Variants in NUP210 observed in about 807,000 individuals in gnomAD.
NUP210 encodes nucleoporin 210.
Under a neutral mutation model 196.0 loss-of-function variants are expected in NUP210, and 151 were observed. That is an observed-to-expected ratio of 0.77 (90% confidence interval 0.67 to 0.88). The LOEUF (loss-of-function observed/expected upper bound fraction) is 0.88, where lower values mean the gene tolerates loss of function less well. Ranked by LOEUF, NUP210 falls within the 40% of genes least tolerant of loss-of-function variation. The pLI is 0.00. For synonymous variants in NUP210, 1,070 were observed against 1,052.7 expected (o/e 1.02, Z -0.32); for missense variants, 2,314 against 2,493.7 (o/e 0.93, Z 1.53).
At chr3:13,373,612 C>T in intron 12 of NUP210, 106 bp downstream of exon 12, 1 of 1,192,378 alleles carries the variant, frequency 8.4e-7, no homozygotes, top group Non-Finnish European at 1.2e-6. Context: ...AAGTACAGGA[C>T]CCAAGGTTGG....
intron 25 of NUP210, among the ~76,000 whole-genome samples, chr3:13,338,525 TG>T (rs1697322036): frequency 6.6e-6 from 1 of 152,228 alleles, no homozygotes; most frequent in Non-Finnish European, 1.5e-5. Context: ...CTTGGGCTAA[TG>T]CCTGGCACAC....
rs760388506 is a variant in NUP210, at chr3:13,388,381, T to C, written c.606A>G (p.Gln202=). Residue 202 remains glutamine, a synonymous_variant, in exon 5 of 40, where the codon CAA becomes CAG. Coordinates refer to ENST00000254508, the MANE Select transcript of NUP210 (RefSeq NM_024923.4). ...YISEMEKAAK[Q]GDTILVSGMK... ...TCCCAGACACCAGGATGGTGTCCCC[T>C]TGCTTGGCAGCCTTCTCCATCTCTG... 90 of 1,612,660 alleles carry C rather than the reference T, an allele frequency of 5.6e-5. 1 individual carries two copies. The South Asian group carries it at 8.7e-4, about 16-fold the overall frequency.
At chr3:13,366,139 T>A in intron 13 of NUP210, 48 bp from the exon 14 acceptor site, 1 of 1,563,248 alleles carries the variant, frequency 6.4e-7, no homozygotes. Context: ...CACTTTTTTC[T>A]TTTTTTTGAG....
rs769494588 is a variant in NUP210, at chr3:13,391,237, C to T, written c.507G>A (p.Arg169=). ...GCAGCGCATTGTGGGAGTCTGAGAACCTGTCCGCCTCGGAGTCCTTCACAA... is the reference window on the plus strand; with the variant it reads ...GCAGCGCATTGTGGGAGTCTGAGAATCTGTCCGCCTCGGAGTCCTTCACAA... ...WTIVKDSEAD[R]FSDSHNALRI... The change falls in exon 4 of 40, where the codon AGG becomes AGA. Residue 169 remains arginine (R), a synonymous_variant. Transcript: ENST00000254508. 1.3e-5 allele frequency: 21 copies of T among 1,612,810 alleles called. No homozygotes were observed. Among genetic ancestry groups the T allele is most frequent in the Admixed American group, 8.3e-5 (5 of 59,930 alleles).
At chr3:13,410,637 G>C (rs1700140514) in intron 1 of NUP210, among the ~76,000 whole-genome samples, 2 of 150,776 alleles carry the variant, frequency 1.3e-5, no homozygotes, top group Non-Finnish European at 3.0e-5. Flanking sequence ...AAACAAAAAG[G>C]CCGGGCACGG....
chr3:13,381,828 C>A (rs550073304), intron 6 of NUP210, among the ~76,000 whole-genome samples: 1 of 152,172 alleles, frequency 6.6e-6, no homozygotes, highest in South Asian at 2.1e-4. Context: ...GGCTGATCCC[C>A]CCAGATTTGT....
At chr3:13,335,817 G>A (rs888861034) in intron 27 of NUP210, among the ~76,000 whole-genome samples, 9 of 152,230 alleles carry the variant, frequency 5.9e-5, no homozygotes, top group East Asian at 1.9e-4. Context: ...ATGGGTGCCC[G>A]GGTCCTGCCC....
intron 11 of NUP210, among the ~76,000 whole-genome samples, chr3:13,374,655 G>A (rs529968012): frequency 8.1e-4 from 123 of 152,284 alleles, no homozygotes; most frequent in African/African-American, 2.9e-3. Context: ...CGAACCCTTG[G>A]TCACCGAGCC....
chr3:13,356,308 C>T lies in NUP210; in HGVS notation c.2328+1914G>A, dbSNP rs1224575946. ...TTGGAGAGTATAAAATTACCTTGAT[C>T]CTGCATCCAGGCTGCATTGCAGGAA... On this transcript the variant is annotated intron_variant, in intron 16 of 39. Transcript: ENST00000254508. Among the ~76,000 whole-genome samples the T allele has an allele frequency of 2.0e-5, 3 of 152,228 alleles. No individual in the cohort carries two copies. The East Asian group carries it at 5.8e-4, about 29-fold the overall frequency.
Position 13,319,077 on chromosome 3 carries a change from G to C in NUP210, c.5558C>G (p.Pro1853Arg). Reference sequence around the variant, plus strand: ...CCTGCAGGGGGGCTACTCACAGTGGGGGCTGTGTCCAGGGCTGGCTCGAGG... The same window carrying C: ...CCTGCAGGGGGGCTACTCACAGTGGCGGCTGTGTCCAGGGCTGGCTCGAGG... ...LTPRASPGHS[P>R]HYFAASSPTS... The change falls in exon 39 of 40, where the codon CCC becomes CGC. Residue 1853 changes from proline to arginine, a missense_variant. By Grantham distance (103) the Pro-to-Arg change is moderately radical (BLOSUM62 -2). Transcript: ENST00000254508. The C allele has an allele frequency of 6.2e-7, 1 of 1,602,448 alleles. No individual in the cohort carries two copies. Among genetic ancestry groups the C allele is most frequent in the Non-Finnish European group, 8.5e-7 (1 of 1,175,864 alleles).
intron 13 of NUP210, among the ~76,000 whole-genome samples, chr3:13,369,437 C>G (rs1394545588): frequency 1.3e-5 from 2 of 152,018 alleles, no homozygotes; most frequent in East Asian, 3.8e-4. Flanking sequence ...TCCAGTTTGT[C>G]TATTTTTAAT....
At chr3:13,388,944 C>T (rs1363193175) in intron 4 of NUP210, among the ~76,000 whole-genome samples, 2 of 152,238 alleles carry the variant, frequency 1.3e-5, no homozygotes, top group African/African-American at 4.8e-5. Flanking sequence ...TAGCCCTGGG[C>T]ACCAGACGGC....
chr3:13,419,967 C>T (rs866639334), intron 1 of NUP210, 93 bp downstream of exon 1: 54 of 845,714 alleles, frequency 6.4e-5, no homozygotes, highest in Admixed American at 1.6e-4. Context: ...GCGCACCTGC[C>T]GGCTCTGCCG....
chr3:13,320,065 G>T, intron 36 of NUP210, 86 bp from the exon 37 acceptor site: 1 of 1,246,730 alleles, frequency 8.0e-7, no homozygotes, highest in Non-Finnish European at 1.1e-6. Flanking sequence ...AGGCGGGAGG[G>T]CTGCTCTGCA....
intron 21 of NUP210, among the ~76,000 whole-genome samples, chr3:13,342,859 A>AT: frequency 6.6e-6 from 1 of 152,236 alleles, no homozygotes; most frequent in East Asian, 1.9e-4. Flanking sequence ...TCAGCAGGGC[A>AT]TGTGCCTCGT....
chr3:13,379,853 T>C lies in NUP210; in HGVS notation c.818-132A>G, dbSNP rs896475944. The C allele has an allele frequency of 8.9e-6, 6 of 675,168 alleles. No homozygotes were observed. Among genetic ancestry groups the C allele is most frequent in the Non-Finnish European group, 1.4e-5 (6 of 428,590 alleles). 41.8% of individuals were successfully genotyped at this position (675,168 alleles called of 1,614,324 possible). A position where few individuals can be genotyped will look rare whatever the true frequency, so the allele number is the denominator to read the frequency against. On this transcript the variant is annotated intron_variant, in intron 6 of 39. Transcript: ENST00000254508. The surrounding 1 kb of genome is among the most constrained non-coding windows in gnomAD (Gnocchi z 4.2). ...CAGTACAGCTGACGCATTTTCTTAA[T>C]TGTTTTCAGTGCTTTAAATGTTAAT...
In NUP210 at chr3:13,378,105, G is replaced by A. The variant is rs186316250; in HGVS notation, c.1046-543C>T. ...TCAAGGCTCTTTCAAACTCATTCCC[G>A]TCCTCAGTGGGTCTACACTCAGAAT... On this transcript the variant is annotated intron_variant, in intron 8 of 39. Transcript: ENST00000254508. Among the ~76,000 whole-genome samples the A allele has an allele frequency of 2.4e-3, 357 of 149,896 alleles. 1 individual carries two copies. Among genetic ancestry groups the A allele is most frequent in the Non-Finnish European group, 4.3e-3 (290 of 67,612 alleles).
Position 13,319,276 on chromosome 3 carries a change from G to T in NUP210, c.5433C>A (p.Phe1811Leu). The T allele has an allele frequency of 3.1e-6, 5 of 1,613,266 alleles. No homozygotes were observed. The highest frequency in any genetic ancestry group is 4.2e-6 in the Non-Finnish European group (5 of 1,179,656). The change falls in exon 38 of 40, where the codon TTC becomes TTA. Residue 1811 changes from phenylalanine to leucine, a missense_variant. Physicochemically the swap from Phe to Leu is conservative, Grantham distance 22. Coordinates refer to ENST00000254508, the MANE Select transcript of NUP210 (RefSeq NM_024923.4). ...QHFLDSYQVMFFTLFALLAGT... is the reference protein window; with the variant it reads ...QHFLDSYQVMLFTLFALLAGT... ...CAGCCAACAGGGCGAAGAGCGTGAAGAACATGACCTGGTAGGAATCCAGGA... is the reference window on the plus strand; with the variant it reads ...CAGCCAACAGGGCGAAGAGCGTGAATAACATGACCTGGTAGGAATCCAGGA...
In NUP210 at chr3:13,376,381, C is replaced by A. The variant is rs778370376; in HGVS notation, c.1203G>T (p.Ser401=). The change falls in exon 10 of 40, where the codon TCG becomes TCT. Residue 401 remains serine (S), a synonymous_variant. Coordinates refer to ENST00000254508, the MANE Select transcript of NUP210 (RefSeq NM_024923.4). ...VLPAEFFEVL[S]SSQNGSYHRI... ...GATGGTATGACCCATTCTGGGAGGA[C>A]GAGAGCACCTCGAAGAACTCAGCAG... is the stretch of plus-strand genomic sequence containing the variant. 6 of 1,614,110 alleles carry A rather than the reference C, an allele frequency of 3.7e-6. No individual in the cohort carries two copies. The African/African-American group carries it at 8.0e-5, about 22-fold the overall frequency.
Sources: gnomAD v4.1 joint callset for allele counts (sites outside exome capture counted in the v4.1 genomes callset) on GRCh38, gnomAD v4.1.1 for gene constraint, Gnocchi (gnomAD v3.1) non-coding constraint, MANE v1.5 for transcripts, NCBI Gene and HGNC (gene_info 2026-07-23, HGNC 2026-07-21) for gene names.